The following METTL25 variants were observed in gnomAD, a reference collection of about 807,000 sequenced individuals.
METTL25 encodes the protein probable methyltransferase-like protein 25.
Under a neutral mutation model 71.6 loss-of-function variants are expected in METTL25, and 64 were observed. The observed-to-expected ratio is 0.89, with a 90% CI of 0.73 to 1.10. METTL25 has a LOEUF of 1.10. Ranked by LOEUF, METTL25 falls within the 50% of genes least tolerant of loss-of-function variation. METTL25 has a pLI of 0.00. For synonymous variants in METTL25, 287 were observed against 250.3 expected (o/e 1.15, Z -1.38); for missense variants, 807 against 707.0 (o/e 1.14, Z -1.60).
chr12:82,361,693 T>G (rs1034442206), intron 1 of METTL25, among the ~76,000 whole-genome samples: 21 of 152,246 alleles, frequency 1.4e-4, no homozygotes, highest in African/African-American at 5.1e-4. Flanking sequence ...GGGCCAGCGG[T>G]GCTGGCCGGC....
At chr12:82,413,168 T>C (rs981669787) in intron 5 of METTL25, among the ~76,000 whole-genome samples, 5 of 152,010 alleles carry the variant, frequency 3.3e-5, no homozygotes, top group Non-Finnish European at 2.9e-5. Flanking sequence ...TAGCAACTCC[T>C]AATTTAAACC....
intron 8 of METTL25, among the ~76,000 whole-genome samples, chr12:82,447,434 A>G (rs573388637): frequency 1.3e-5 from 2 of 152,326 alleles, no homozygotes; most frequent in South Asian, 4.1e-4. Context: ...AATTACAGCT[A>G]CATGCATCAA....
chr12:82,359,086 C>T (rs1266194025), intron 1 of METTL25, among the ~76,000 whole-genome samples: 4 of 152,158 alleles, frequency 2.6e-5, no homozygotes, highest in African/African-American at 9.7e-5. Context: ...GTTCCTTCAT[C>T]TAGTAATTCC....
chr12:82,366,762 T>C (rs922315933), intron 1 of METTL25, among the ~76,000 whole-genome samples: 4 of 152,218 alleles, frequency 2.6e-5, no homozygotes, highest in Non-Finnish European at 5.9e-5. Context: ...AATTAGTGTG[T>C]TCTGTTTTAC....
chr12:82,450,959 C>T (rs1159222705), intron 8 of METTL25, among the ~76,000 whole-genome samples: 1 of 151,954 alleles, frequency 6.6e-6, no homozygotes, highest in Non-Finnish European at 1.5e-5. Context: ...AGGTTTTCAT[C>T]AGCTCTTACT....
chr12:82,444,901 G>C (rs1890630705), intron 8 of METTL25, among the ~76,000 whole-genome samples: 1 of 152,070 alleles, frequency 6.6e-6, no homozygotes, highest in African/African-American at 2.4e-5. Flanking sequence ...CATTCAAATG[G>C]AAACCAGGTA....
chr12:82,406,852 G>GGTTAATCAGACAAGGAAGTAAGAA (rs1010586692), intron 5 of METTL25, among the ~76,000 whole-genome samples: 4 of 152,108 alleles, frequency 2.6e-5, no homozygotes, highest in African/African-American at 9.7e-5. Flanking sequence ...ATTCAGTAGA[G>GGTTAATCAGACAAGGAAGTAAGAA]GTTAATCAGA....
intron 8 of METTL25, among the ~76,000 whole-genome samples, chr12:82,440,402 A>G (rs1890230544): frequency 6.6e-6 from 1 of 151,978 alleles, no homozygotes; most frequent in Non-Finnish European, 1.5e-5. Context: ...TTCTCTTCCC[A>G]CCAATTCTAT....
chr12:82,435,297 C>G (rs1277122015), intron 7 of METTL25, among the ~76,000 whole-genome samples: 1 of 150,902 alleles, frequency 6.6e-6, no homozygotes, highest in African/African-American at 2.4e-5. Context: ...TAAATTTAAC[C>G]TAAAGTTTAG....
At chr12:82,454,598 C>A (rs930768395) in intron 8 of METTL25, among the ~76,000 whole-genome samples, 2 of 151,852 alleles carry the variant, frequency 1.3e-5, no homozygotes, top group Non-Finnish European at 2.9e-5. Context: ...CTTATAATAA[C>A]CATACTGTGA....
intron 7 of METTL25, among the ~76,000 whole-genome samples, chr12:82,437,835 A>AT (rs1202809994): frequency 3.3e-5 from 5 of 151,584 alleles, no homozygotes; most frequent in Admixed American, 1.3e-4. Flanking sequence ...ATTCTTACTC[A>AT]TTTTTTAAAA....
intron 9 of METTL25, among the ~76,000 whole-genome samples, chr12:82,457,759 C>T (rs768451584): frequency 4.3e-4 from 65 of 152,016 alleles, no homozygotes; most frequent in Non-Finnish European, 7.4e-4. Context: ...AGTAACAACA[C>T]AATCAACATG....
At chr12:82,397,159 G>A (rs1436510848) in intron 3 of METTL25, among the ~76,000 whole-genome samples, 1 of 151,930 alleles carries the variant, frequency 6.6e-6, no homozygotes, top group Non-Finnish European at 1.5e-5. Context: ...TAACTTTATG[G>A]TAAACTCAGT....
At chr12:82,478,075 ATTT>A (rs1442740757) in intron 11 of METTL25, among the ~76,000 whole-genome samples, 1 of 151,834 alleles carries the variant, frequency 6.6e-6, no homozygotes, top group Admixed American at 6.6e-5. Flanking sequence ...TCTAATTTGT[ATTT>A]TTATGGAGAA....
intron 5 of METTL25, among the ~76,000 whole-genome samples, chr12:82,405,726 A>C (rs1459305832): frequency 1.3e-5 from 2 of 152,188 alleles, no homozygotes; most frequent in Non-Finnish European, 2.9e-5. Context: ...AAGATTGTGC[A>C]TCCACATATT....
chr12:82,419,586 A>G (rs556264555), intron 5 of METTL25, among the ~76,000 whole-genome samples: 11 of 152,148 alleles, frequency 7.2e-5, no homozygotes, highest in Non-Finnish European at 1.0e-4. Context: ...AGATGTACAG[A>G]TAGCTAACAA....
intron 8 of METTL25, among the ~76,000 whole-genome samples, chr12:82,452,152 A>G (rs546066625): frequency 1.1e-4 from 16 of 152,312 alleles, no homozygotes; most frequent in African/African-American, 3.8e-4. Context: ...GCCATAAATG[A>G]TACTCTCAAG....
chr12:82,358,569 G>C lies in METTL25; in HGVS notation c.4G>C (p.Ala2Pro), dbSNP rs746581822. The C allele has an allele frequency of 6.2e-7, 1 of 1,610,066 alleles. No individual in the cohort carries two copies. Among genetic ancestry groups the C allele is most frequent in the South Asian group, 1.1e-5 (1 of 91,070 alleles). The change falls in exon 1 of 12, where the codon GCG (alanine) becomes CCG (proline). Residue 2 changes from alanine to proline, a missense_variant. Transcript: ENST00000248306. ...ACAGCCTCGGAGGGTGAGCGTCATGGCGGCTTCTTGCCCTCTCCCGGTGAC... is the reference window on the plus strand; with the variant it reads ...ACAGCCTCGGAGGGTGAGCGTCATGCCGGCTTCTTGCCCTCTCCCGGTGAC... M[A>P]ASCPLPVTPD...
intron 9 of METTL25, among the ~76,000 whole-genome samples, chr12:82,470,359 A>C (rs533009560): frequency 1.3e-5 from 2 of 152,318 alleles, no homozygotes; most frequent in East Asian, 3.9e-4. Context: ...TGATGCATTC[A>C]GTACTTGATC....
Sources: allele counts gnomAD v4.1 joint callset (sites outside exome capture counted in the v4.1 genomes callset), GRCh38; gene constraint gnomAD v4.1.1; transcripts MANE v1.5; gene names NCBI Gene and HGNC (gene_info 2026-07-23, HGNC 2026-07-21).